PDCD2L: variants seen among roughly 807,000 people sequenced by gnomAD.
The protein encoded by PDCD2L is programmed cell death 2 like, also known as uS5 assembly chaperone PDCD2L.
Under a neutral mutation model 40.4 loss-of-function variants are expected in PDCD2L, and 44 were observed. That is an observed-to-expected ratio of 1.09 (90% CI 0.86 to 1.40). PDCD2L has a LOEUF of 1.40. Among genes scored for constraint, PDCD2L ranks in the 40% most tolerant of loss-of-function variants. The pLI, the probability that PDCD2L is intolerant of heterozygous loss-of-function variation, is 0.00. For synonymous variants in PDCD2L, 194 were observed against 174.6 expected, an observed-to-expected ratio of 1.11 and a Z score of -0.88; for missense variants, 470 against 453.7, an observed-to-expected ratio of 1.04 and a Z score of -0.33.
At chr19:34,411,367 G>A (rs1568358654) in intron 4 of PDCD2L, among the ~76,000 whole-genome samples, 2 of 151,464 alleles carry the variant, frequency 1.3e-5, no homozygotes, top group Non-Finnish European at 2.9e-5. Flanking sequence ...AGCCTCCCGA[G>A]TAGCTGGGAC....
intron 3 of PDCD2L, among the ~76,000 whole-genome samples, chr19:34,408,507 C>G (rs1248853173): frequency 1.3e-5 from 2 of 152,076 alleles, no homozygotes; most frequent in African/African-American, 4.8e-5. Flanking sequence ...TAAGCTGAGA[C>G]AGACTTAACA....
chr19:34,416,940 C>T (rs1240315171), intron 5 of PDCD2L, among the ~76,000 whole-genome samples: 1 of 151,992 alleles, frequency 6.6e-6, no homozygotes, highest in Non-Finnish European at 1.5e-5. Context: ...ATGGTGAAAC[C>T]CTGTCTCTAC....
At chr19:34,411,586 G>T (rs1238670267) in intron 4 of PDCD2L, among the ~76,000 whole-genome samples, 1 of 151,948 alleles carries the variant, frequency 6.6e-6, no homozygotes, top group Non-Finnish European at 1.5e-5. Flanking sequence ...GGCCTCAGGG[G>T]ATCCTCTGGC....
chr19:34,409,568 G>A, intron 4 of PDCD2L, 58 bp downstream of exon 4: 1 of 1,485,280 alleles, frequency 6.7e-7, no homozygotes, highest in Non-Finnish European at 9.3e-7. Context: ...AGCCACAAGA[G>A]TTACCCTTCA....
chr19:34,406,394 T>A (rs2075075726), intron 3 of PDCD2L, among the ~76,000 whole-genome samples: 1 of 151,854 alleles, frequency 6.6e-6, no homozygotes, highest in Admixed American at 6.6e-5. Context: ...TCTTATTTTT[T>A]TTTTTTTTTG....
chr19:34,411,243 CT>C (rs34836648), intron 4 of PDCD2L, among the ~76,000 whole-genome samples: 92 of 99,218 alleles, frequency 9.3e-4, no homozygotes, highest in East Asian at 1.2e-3. Context: ...TGGTTATGGC[CT>C]TTTTTTTTTT....
At chr19:34,417,013 C>G (rs1027093333) in intron 5 of PDCD2L, among the ~76,000 whole-genome samples, 1 of 152,060 alleles carries the variant, frequency 6.6e-6, no homozygotes, top group East Asian at 1.9e-4. Context: ...GTTCAGGAGA[C>G]TAAGGCAGGA....
chr19:34,411,512 C>T (rs1007724511), intron 4 of PDCD2L, among the ~76,000 whole-genome samples: 6 of 151,750 alleles, frequency 4.0e-5, no homozygotes, highest in African/African-American at 9.7e-5. Flanking sequence ...CCCAAAGTGC[C>T]GGGATTACAG....
chr19:34,410,176 T>A (rs1310063793), intron 4 of PDCD2L, among the ~76,000 whole-genome samples: 2 of 152,222 alleles, frequency 1.3e-5, no homozygotes, highest in African/African-American at 4.8e-5. Context: ...TCAAAGCTCA[T>A]GCAGCCTTGA....
At chr19:34,421,761 C>T in intron 6 of PDCD2L, 94 bp downstream of exon 6, 1 of 1,420,586 alleles carries the variant, frequency 7.0e-7, no homozygotes, top group Non-Finnish European at 9.5e-7. Context: ...ATATCATAAG[C>T]AAATTACAGA....
At chr19:34,418,947 A>C (rs113554057) in intron 5 of PDCD2L, among the ~76,000 whole-genome samples, 2,549 of 152,122 alleles carry the variant, frequency 0.017, 65 homozygotes, top group African/African-American at 0.059. Context: ...CAAATCTCTC[A>C]CCATATTGTT....
intron 5 of PDCD2L, among the ~76,000 whole-genome samples, chr19:34,416,857 A>G (rs756219077): frequency 1.7e-4 from 26 of 152,322 alleles, no homozygotes; most frequent in Non-Finnish European, 2.8e-4. Context: ...GGCTCACGCC[A>G]GTAATCCCAA....
At chr19:34,410,334 C>T (rs1434791175) in intron 4 of PDCD2L, among the ~76,000 whole-genome samples, 1 of 152,190 alleles carries the variant, frequency 6.6e-6, no homozygotes, top group African/African-American at 2.4e-5. Flanking sequence ...TCACTGCAAC[C>T]TCCACCTCTC....
At position 34,409,171 on chromosome 19, in the gene PDCD2L, A is replaced by G. The variant is rs1386819316; in HGVS notation, c.347A>G (p.Asn116Ser). The G allele has an allele frequency of 1.2e-6, 2 of 1,608,496 alleles. No homozygotes were observed. Among genetic ancestry groups the G allele is most frequent in the African/African-American group, 1.3e-5 (1 of 74,838 alleles). Residue 116 changes from asparagine to serine, a missense_variant, in exon 4 of 7, where the codon AAC becomes AGC. Transcript: ENST00000246535. The stretch of plus-strand genomic sequence containing the variant: ...TGAGTATTTTTCCAGAAACAGGGAA[A>G]CAGCCTTGCAGCTGAGGACTGGTGT... ...REAQDAQKQG[N>S]SLAAEDWCEG...
rs541413070 is a variant in PDCD2L at position 34,425,862 on chromosome 19, G to A, written c.947-128G>A. The A allele has an allele frequency of 6.9e-6, 6 of 866,826 alleles. No individual in the cohort carries two copies. The South Asian group carries it at 8.3e-5, about 12-fold the overall frequency. 53.7% of individuals were successfully genotyped at this position (866,826 alleles called of 1,614,324 possible). ...GATAGACTGTGATTCTGTTATAGCT[G>A]AAAGCAGTAAGCACTGTTTTTGCTT... On this transcript the variant is annotated intron_variant, in intron 6 of 6. Coordinates refer to ENST00000246535, the MANE Select transcript of PDCD2L (RefSeq NM_032346.2).
rs1013192597 is a variant in PDCD2L, at chr19:34,404,647, A to G, written c.109-2A>G. ...GTCTGAGCGCCTCCTCTGTCCCCTC[A>G]GGATGCTCTGCCCACCGTGGCTGCG... On this transcript the variant is annotated splice_acceptor_variant, in intron 1 of 6. Transcript: ENST00000246535. LOFTEE classifies it high-confidence loss of function. 1 of 1,610,312 alleles carries G rather than the reference A, an allele frequency of 6.2e-7. No individual in the cohort carries two copies. Among genetic ancestry groups the G allele is most frequent in the East Asian group, 2.2e-5 (1 of 44,844 alleles).
intron 5 of PDCD2L, among the ~76,000 whole-genome samples, chr19:34,419,225 G>A (rs1029845677): frequency 1.3e-5 from 2 of 151,644 alleles, no homozygotes; most frequent in East Asian, 1.9e-4. Flanking sequence ...GCAGTGGCAC[G>A]ATCTTGGCTC....
intron 6 of PDCD2L, among the ~76,000 whole-genome samples, chr19:34,424,744 C>CTT (rs2075168045): frequency 1.1e-3 from 85 of 73,972 alleles, no homozygotes; most frequent in Non-Finnish European, 2.6e-3. Context: ...GCCATTTTTT[C>CTT]ATTTTTTTTT....
rs775484985 is a variant in PDCD2L, at chr19:34,404,713, T to C, written c.173T>C (p.Leu58Pro). ...VCQRCGQPLA[L>P]VVQVYCPLEG... ...CAGCGCTGCGGGCAGCCGCTCGCTC[T>C]GGTCGTGCAGGTGTATTGCCCGCTG... The change falls in exon 2 of 7, where the codon CTG becomes CCG. Residue 58 changes from leucine (L) to proline (P), a missense_variant. Leu to Pro is a moderately conservative substitution (Grantham distance 98). Coordinates refer to ENST00000246535, the MANE Select transcript of PDCD2L (RefSeq NM_032346.2). The C allele has an allele frequency of 1.9e-6, 3 of 1,612,424 alleles. No individual in the cohort carries two copies. The highest frequency in any genetic ancestry group is 4.5e-5 in the East Asian group (2 of 44,880).
Sources: gnomAD v4.1 joint callset for allele counts (sites outside exome capture counted in the v4.1 genomes callset) on GRCh38, gnomAD v4.1.1 for gene constraint, MANE v1.5 for transcripts, NCBI Gene and HGNC (gene_info 2026-07-23, HGNC 2026-07-21) for gene names.